Variants in UFD1 observed in about 807,000 individuals in gnomAD.
UFD1 encodes ubiquitin recognition factor in ER-associated degradation protein 1.
A neutral mutation model predicts 45.9 loss-of-function variants in UFD1; 13 were observed. That is an observed-to-expected ratio of 0.28 (90% CI 0.18 to 0.45). UFD1 has a LOEUF of 0.45. Among genes scored for constraint, UFD1 ranks in the 20% least tolerant of loss-of-function variants. The probability of loss-of-function intolerance (pLI) is 1.00; values close to 1 mark genes in which losing one functional copy is unlikely to be tolerated. For synonymous variants in UFD1, 128 were observed against 139.2 expected (o/e 0.92, Z 0.56); for missense variants, 218 against 389.2 (o/e 0.56, Z 3.70).
chr22:19,455,842 G>T, intron 9 of UFD1, 74 bp from the exon 10 acceptor site: 1 of 1,407,714 alleles, frequency 7.1e-7, no homozygotes, highest in Non-Finnish European at 1.0e-6. Context: ...GGAGATCACT[G>T]CAGGGATGTG....
At position 19,468,762 on chromosome 22, in the gene UFD1, G is replaced by A. The variant is rs115520321; in HGVS notation, c.292-759C>T. ...GCCCTGACAGTTGGACAGTGCTCAC[G>A]TCGTGGCTCAGTCCATCGATCAGCA... On this transcript the variant is annotated intron_variant, in intron 4 of 11. Coordinates refer to ENST00000263202, the MANE Select transcript of UFD1 (RefSeq NM_005659.7). 3.8e-3 allele frequency among the ~76,000 whole-genome samples: 574 copies of A among 152,306 alleles called. 4 individuals carry two copies. The highest frequency in any genetic ancestry group is 0.013 in the African/African-American group (539 of 41,558).
At chr22:19,471,060 C>G in intron 4 of UFD1, 1 of 416,558 alleles carries the variant, frequency 2.4e-6, no homozygotes, top group Non-Finnish European at 4.8e-6. Context: ...GTGTGGAACT[C>G]TCACTGCTGC....
chr22:19,459,751 T>G (rs1297041467), intron 6 of UFD1, among the ~76,000 whole-genome samples: 3 of 148,588 alleles, frequency 2.0e-5, no homozygotes, highest in African/African-American at 7.4e-5. Flanking sequence ...TTTTTTTTTT[T>G]TTTTCGAGAT....
chr22:19,465,345 A>G, intron 5 of UFD1, 71 bp from the exon 6 acceptor site: 1 of 1,334,540 alleles, frequency 7.5e-7, no homozygotes, highest in Non-Finnish European at 1.1e-6. Context: ...TCCATGTTAG[A>G]TGATTACTGG....
At position 19,450,747 on chromosome 22, in the gene UFD1, A is replaced by G. The variant is rs778720024; in HGVS notation, c.850-3T>C. On this transcript the variant is annotated splice_polypyrimidine_tract_variant and splice_region_variant and intron_variant, in intron 11 of 11. Coordinates refer to ENST00000263202, the MANE Select transcript of UFD1 (RefSeq NM_005659.7). ...ACGAATCTGCCTCCAGCTTCATCCT[A>G]GGTTTGAAGAGAAGATACTATTTTC... 1.2e-6 allele frequency: 2 copies of G among 1,613,968 alleles called. No homozygotes were observed. Among genetic ancestry groups the G allele is most frequent in the Admixed American group, 1.7e-5 (1 of 60,000 alleles).
chr22:19,478,866 G>T (rs1365764018), intron 1 of UFD1: 3 of 583,990 alleles, frequency 5.1e-6, no homozygotes, highest in Non-Finnish European at 5.7e-6. Flanking sequence ...GGCTGAGACA[G>T]AATGCGAGCC....
At chr22:19,461,913 TCA>T (rs1186208818) in intron 6 of UFD1, among the ~76,000 whole-genome samples, 4 of 152,240 alleles carry the variant, frequency 2.6e-5, no homozygotes, top group Non-Finnish European at 4.4e-5. Flanking sequence ...ATAAAATTTT[TCA>T]CAGTTTTATC....
intron 5 of UFD1, chr22:19,465,964 T>C (rs747437179): frequency 1.3e-5 from 2 of 152,242 alleles, no homozygotes; most frequent in Non-Finnish European, 2.9e-5. Flanking sequence ...GAAATGTCTA[T>C]TCATGTGGAA....
chr22:19,464,156 G>A (rs191312101), intron 6 of UFD1, among the ~76,000 whole-genome samples: 2 of 152,350 alleles, frequency 1.3e-5, no homozygotes, highest in African/African-American at 4.8e-5. Flanking sequence ...TGAGGAAACT[G>A]CCAGAGAATA....
chr22:19,473,982 G>A (rs953802264), intron 3 of UFD1, among the ~76,000 whole-genome samples: 3 of 152,170 alleles, frequency 2.0e-5, no homozygotes, highest in Non-Finnish European at 4.4e-5. Context: ...AAGTCTGGAA[G>A]GCAATGACTG....
intron 4 of UFD1, chr22:19,471,225 A>G (rs1233331324): frequency 3.9e-6 from 2 of 512,722 alleles, no homozygotes; most frequent in Non-Finnish European, 7.8e-6. Flanking sequence ...CCTGCTTGTA[A>G]GGAAAAAGAC....
chr22:19,465,452 CAAT>C (rs1283765331), intron 5 of UFD1, 178 bp from the exon 6 acceptor site: 4 of 559,878 alleles, frequency 7.1e-6, no homozygotes, highest in Non-Finnish European at 1.3e-5. Context: ...TCCTAATATG[CAAT>C]AATATGGATG....
At chr22:19,467,052 CCA>C (rs1835545633) in intron 5 of UFD1, 4 of 152,130 alleles carry the variant, frequency 2.6e-5, no homozygotes, top group Non-Finnish European at 4.4e-5. Context: ...CCATATGCAT[CCA>C]GAGCACACCC....
chr22:19,456,943 A>G (rs762524184), intron 7 of UFD1, 25 bp from the exon 8 acceptor site: 3 of 1,507,436 alleles, frequency 2.0e-6, no homozygotes, highest in South Asian at 1.2e-5. Flanking sequence ...TTTTAAAAGT[A>G]AAATATTGAG....
At chr22:19,461,429 C>A (rs2089765604) in intron 6 of UFD1, among the ~76,000 whole-genome samples, 1 of 152,200 alleles carries the variant, frequency 6.6e-6, no homozygotes, top group South Asian at 2.1e-4. Flanking sequence ...TTCCACTGGC[C>A]TACTTGTCTA....
intron 11 of UFD1, 199 bp downstream of exon 11, chr22:19,454,550 T>C: frequency 8.3e-7 from 1 of 1,205,488 alleles, no homozygotes; most frequent in East Asian, 3.1e-5. Flanking sequence ...GCCATGATTG[T>C]GAGGCCTCCC....
intron 6 of UFD1, among the ~76,000 whole-genome samples, chr22:19,462,724 A>AT (rs1030986393): frequency 1.3e-5 from 2 of 152,156 alleles, no homozygotes; most frequent in Non-Finnish European, 2.9e-5. Flanking sequence ...TTTAGATGTC[A>AT]TTTTTTAAGC....
chr22:19,475,697 T>C, intron 1 of UFD1, 95 bp from the exon 2 acceptor site: 1 of 1,403,078 alleles, frequency 7.1e-7, no homozygotes, highest in South Asian at 1.2e-5. Context: ...CTACTAAACA[T>C]TGTCAGAGAA....
intron 3 of UFD1, among the ~76,000 whole-genome samples, chr22:19,474,716 GGCACGGTACAAA>G (rs2089869217): frequency 6.6e-6 from 1 of 152,150 alleles, no homozygotes; most frequent in Admixed American, 6.6e-5. Flanking sequence ...CAGCTGCCCT[GGCACGGTACAAA>G]GCACTTGATA....
Sources: gnomAD v4.1 joint callset for allele counts (sites outside exome capture counted in the v4.1 genomes callset) on GRCh38, gnomAD v4.1.1 for gene constraint, MANE v1.5 for transcripts, NCBI Gene and HGNC (gene_info 2026-07-23, HGNC 2026-07-21) for gene names.